Variants in PCDH15 observed in about 807,000 individuals in gnomAD.
PCDH15 encodes the protein protocadherin-15.
A neutral mutation model predicts 178.5 loss-of-function variants in PCDH15; 129 were observed. The ratio of observed to expected loss-of-function variants is 0.72; its 90% CI spans 0.63 to 0.84. The LOEUF is 0.84. PCDH15 is among the 40% of genes least tolerant of loss of function. The probability of loss-of-function intolerance (pLI) is 0.00; values close to 1 mark genes in which losing one functional copy is unlikely to be tolerated. For synonymous variants in PCDH15, 800 were observed against 732.0 expected (o/e 1.09, Z -1.50); for missense variants, 2,230 against 2,099.9 (o/e 1.06, Z -1.21).
At chr10:54,383,183 G>A (rs1210307850) in intron 3 of PCDH15, among the ~76,000 whole-genome samples, 1 of 151,642 alleles carries the variant, frequency 6.6e-6, no homozygotes, top group African/African-American at 2.4e-5. Flanking sequence ...AATGTAAAAT[G>A]TACTTTCTGT....
At chr10:55,388,596 G>A (rs1837718468) in intron 2 of PCDH15, among the ~76,000 whole-genome samples, 2 of 152,008 alleles carry the variant, frequency 1.3e-5, no homozygotes, top group Admixed American at 1.3e-4. Flanking sequence ...AGTCCTAAAT[G>A]CTATTCTATA....
chr10:54,174,177 CAT>C, intron 13 of PCDH15, among the ~76,000 whole-genome samples: 1 of 152,090 alleles, frequency 6.6e-6, no homozygotes, highest in East Asian at 1.9e-4. Flanking sequence ...AAAGAGGAGA[CAT>C]AAATAATACT....
chr10:54,999,133 A>G (rs1448937427), intron 2 of PCDH15, among the ~76,000 whole-genome samples: 1 of 152,044 alleles, frequency 6.6e-6, no homozygotes, highest in Non-Finnish European at 1.5e-5. Flanking sequence ...TTTCCTATAC[A>G]TTTGAAACAA....
At chr10:54,207,432 T>C (rs1156743723) in intron 10 of PCDH15, among the ~76,000 whole-genome samples, 1 of 151,748 alleles carries the variant, frequency 6.6e-6, no homozygotes, top group East Asian at 1.9e-4. Flanking sequence ...TATTATTTCC[T>C]AGTAATGGTA....
chr10:54,488,293 A>G (rs1173993264), intron 3 of PCDH15, among the ~76,000 whole-genome samples: 1 of 151,880 alleles, frequency 6.6e-6, no homozygotes, highest in East Asian at 1.9e-4. Context: ...TTAATTGGAT[A>G]CTTGGATTAT....
chr10:54,555,144 A>C (rs2133249248), intron 2 of PCDH15, among the ~76,000 whole-genome samples: 1 of 152,328 alleles, frequency 6.6e-6, no homozygotes, highest in African/African-American at 2.4e-5. Context: ...TCTAAACATT[A>C]ACAGACAGTA....
At chr10:55,067,834 A>T (rs1026650592) in intron 2 of PCDH15, among the ~76,000 whole-genome samples, 30 of 151,984 alleles carry the variant, frequency 2.0e-4, no homozygotes, top group South Asian at 2.1e-4. Context: ...CATTTCCCTG[A>T]TGATTAGTGA....
chr10:55,584,582 C>T (rs922567494), intron 2 of PCDH15, among the ~76,000 whole-genome samples: 2 of 143,902 alleles, frequency 1.4e-5, no homozygotes, highest in African/African-American at 5.2e-5. Flanking sequence ...ACTTAAACTC[C>T]GGGAAGCAGA....
chr10:54,232,293 G>A (rs933256324), intron 9 of PCDH15, among the ~76,000 whole-genome samples: 3 of 152,168 alleles, frequency 2.0e-5, no homozygotes, highest in Non-Finnish European at 4.4e-5. Flanking sequence ...GGCCACGTAA[G>A]ATGCGCCAAC....
intron 6 of PCDH15, 105 bp from the exon 7 acceptor site, chr10:54,329,811 T>G (rs1346411710): frequency 1.3e-6 from 1 of 785,172 alleles, no homozygotes; most frequent in Non-Finnish European, 2.3e-6. Context: ...GACATGCTTA[T>G]CATCTGAAAA....
chr10:54,603,195 G>T (rs537024589), intron 2 of PCDH15, among the ~76,000 whole-genome samples: 5 of 151,670 alleles, frequency 3.3e-5, no homozygotes, highest in African/African-American at 1.2e-4. Flanking sequence ...TCCCTTAAGG[G>T]CTCTTTTTAT....
At chr10:53,881,859 T>C (rs540064005) in intron 26 of PCDH15, among the ~76,000 whole-genome samples, 9 of 152,246 alleles carry the variant, frequency 5.9e-5, no homozygotes, top group Middle Eastern at 3.4e-3. Context: ...GAAGCATCCA[T>C]GGTCAGAGAT....
intron 32 of PCDH15, among the ~76,000 whole-genome samples, chr10:53,825,764 A>AATAG (rs199646788): frequency 0.021 from 3,178 of 151,538 alleles, 129 homozygotes; most frequent in African/African-American, 0.074. Context: ...AAAGTTCTTG[A>AATAG]ATAGATAGAT....
At chr10:55,002,724 G>A (rs892272691) in intron 2 of PCDH15, among the ~76,000 whole-genome samples, 1 of 152,120 alleles carries the variant, frequency 6.6e-6, no homozygotes, top group African/African-American at 2.4e-5. Flanking sequence ...GTCCCTGTAG[G>A]CCCAAGTACT....
At chr10:55,144,920 C>A (rs1406380069) in intron 2 of PCDH15, among the ~76,000 whole-genome samples, 1 of 151,338 alleles carries the variant, frequency 6.6e-6, no homozygotes, top group East Asian at 1.9e-4. Flanking sequence ...AGGAATATAT[C>A]CAGAGGCAAG....
chr10:55,512,520 T>C (rs1840908873), intron 2 of PCDH15, among the ~76,000 whole-genome samples: 1 of 151,968 alleles, frequency 6.6e-6, no homozygotes, highest in Non-Finnish European at 1.5e-5. Context: ...TTTGCCTAGG[T>C]CAATGACTAA....
At chr10:55,054,455 C>A (rs2131991533) in intron 2 of PCDH15, among the ~76,000 whole-genome samples, 2 of 152,168 alleles carry the variant, frequency 1.3e-5, no homozygotes, top group South Asian at 4.2e-4. Flanking sequence ...GATTCCATGT[C>A]TTTGCTATTG....
rs1049611152 is a variant in PCDH15, at chr10:53,842,053, C to T, written c.3807-1557G>A. Among the ~76,000 whole-genome samples, 72 of 150,954 alleles carry T rather than the reference C, an allele frequency of 4.8e-4. 2 individuals carry two copies. The Middle Eastern group carries it at 0.021, about 43-fold the overall frequency. On this transcript the variant is annotated intron_variant, in intron 28 of 37. Coordinates refer to ENST00000644397, the MANE Select transcript of PCDH15 (RefSeq NM_001384140.1). Reference sequence around the variant, plus strand: ...GGACTGTGTTTTTCAGATTTTTTTTCCTGAGAGATTTATGCTCATTTAACA... The same window carrying T: ...GGACTGTGTTTTTCAGATTTTTTTTTCTGAGAGATTTATGCTCATTTAACA...
At chr10:54,759,958 A>G (rs111973816) in intron 1 of PCDH15, among the ~76,000 whole-genome samples, 1 of 152,136 alleles carries the variant, frequency 6.6e-6, no homozygotes, top group Non-Finnish European at 1.5e-5. Flanking sequence ...CCTTTATTTC[A>G]TGACCTTATC....
Sources: allele counts gnomAD v4.1 joint callset (sites outside exome capture counted in the v4.1 genomes callset), GRCh38; gene constraint gnomAD v4.1.1; transcripts MANE v1.5; gene names NCBI Gene and HGNC (gene_info 2026-07-23, HGNC 2026-07-21).